KCNH1: variants seen among roughly 807,000 people sequenced by gnomAD.
KCNH1 encodes the protein potassium voltage-gated channel subfamily H member 1, also known as voltage-gated delayed rectifier potassium channel KCNH1.
Under a neutral mutation model 69.2 loss-of-function variants are expected in KCNH1, and 27 were observed. That is an observed-to-expected ratio of 0.39 (90% confidence interval 0.29 to 0.54). KCNH1 has a LOEUF of 0.54. Among genes scored for constraint, KCNH1 ranks in the 20% least tolerant of loss-of-function variants. The probability of loss-of-function intolerance (pLI) is 0.68; values close to 1 mark genes in which losing one functional copy is unlikely to be tolerated. For missense variants in KCNH1, 798 were observed against 1,261.6 expected, an observed-to-expected ratio of 0.63 and a Z score of 5.57; for synonymous variants, 456 against 487.7, an observed-to-expected ratio of 0.93 and a Z score of 0.86.
chr1:210,852,259 C>T (rs1685722349), intron 7 of KCNH1, among the ~76,000 whole-genome samples: 4 of 152,082 alleles, frequency 2.6e-5, no homozygotes, highest in Admixed American at 6.6e-5. Context: ...GAAGGAGGGG[C>T]TTGGCATGTT....
intron 6 of KCNH1, among the ~76,000 whole-genome samples, chr1:210,943,491 G>A (rs567613453): frequency 1.0e-3 from 153 of 152,112 alleles, no homozygotes; most frequent in African/African-American, 3.1e-3. Flanking sequence ...TGGGAATACC[G>A]GCGCACACCG....
intron 10 of KCNH1, among the ~76,000 whole-genome samples, chr1:210,695,577 T>C (rs1286973296): frequency 6.6e-6 from 1 of 152,216 alleles, no homozygotes. Flanking sequence ...TAAGTCTCCT[T>C]GCTAGAATAA....
intron 5 of KCNH1, among the ~76,000 whole-genome samples, chr1:211,047,491 C>A (rs929451887): frequency 6.6e-6 from 1 of 152,126 alleles, no homozygotes; most frequent in Non-Finnish European, 1.5e-5. Flanking sequence ...CATCAAGGTG[C>A]GGCTTTTGAA....
intron 10 of KCNH1, among the ~76,000 whole-genome samples, chr1:210,707,046 G>A (rs1342887213): frequency 1.3e-5 from 2 of 152,182 alleles, no homozygotes; most frequent in Non-Finnish European, 2.9e-5. Flanking sequence ...ATTTGTATGT[G>A]AGGGGTATGT....
intron 10 of KCNH1, among the ~76,000 whole-genome samples, chr1:210,689,520 T>C (rs1254105468): frequency 6.6e-6 from 1 of 152,260 alleles, no homozygotes; most frequent in Non-Finnish European, 1.5e-5. Flanking sequence ...GGAATAAAAA[T>C]ACATATGTAA....
rs1261074900 is a variant in KCNH1 at position 210,976,590 on chromosome 1, A to G, written c.1032+42193T>C. On this transcript the variant is annotated intron_variant, in intron 6 of 10. Transcript: ENST00000271751. ...ACTAGAAATACCATTTGACCCAGCC[A>G]TCCCATTACTGGGTATATACCCAAA... Among the ~76,000 whole-genome samples, 4 of 144,876 alleles carry G rather than the reference A, an allele frequency of 2.8e-5. No homozygotes were observed. In the South Asian group the frequency reaches 8.9e-4, roughly 32 times the overall value.
intron 6 of KCNH1, among the ~76,000 whole-genome samples, chr1:210,930,867 T>C (rs897035588): frequency 1.3e-5 from 2 of 152,062 alleles, no homozygotes; most frequent in Non-Finnish European, 2.9e-5. Context: ...AAAAGTGGGC[T>C]AAGGACATGA....
chr1:210,849,189 C>G (rs1685627529), intron 7 of KCNH1, among the ~76,000 whole-genome samples: 1 of 152,166 alleles, frequency 6.6e-6, no homozygotes, highest in East Asian at 1.9e-4. Context: ...AAACATTCTA[C>G]TATATGGATA....
intron 5 of KCNH1, among the ~76,000 whole-genome samples, chr1:211,025,814 C>A (rs12143882): frequency 0.044 from 6,704 of 152,228 alleles, 250 homozygotes; most frequent in East Asian, 0.18. Flanking sequence ...CTAGCCCTCC[C>A]AGCCTCCTAG....
At chr1:210,947,414 G>GA (rs1203511161) in intron 6 of KCNH1, among the ~76,000 whole-genome samples, 26 of 147,514 alleles carry the variant, frequency 1.8e-4, no homozygotes, top group South Asian at 8.6e-4. Context: ...CTAAAAATAC[G>GA]AAAAAAAAAA....
chr1:210,972,344 A>G (rs1372136968), intron 6 of KCNH1, among the ~76,000 whole-genome samples: 1 of 152,116 alleles, frequency 6.6e-6, no homozygotes, highest in Non-Finnish European at 1.5e-5. Context: ...ACTTTTGTCA[A>G]TTTAGACTTT....
At chr1:210,983,112 G>A (rs572703505) in intron 6 of KCNH1, among the ~76,000 whole-genome samples, 1 of 132,796 alleles carries the variant, frequency 7.5e-6, no homozygotes, top group South Asian at 2.4e-4. Context: ...CTTTTTGATG[G>A]GGTTGTTTGT....
chr1:210,743,277 C>A (rs749818095), intron 10 of KCNH1, among the ~76,000 whole-genome samples: 24 of 152,196 alleles, frequency 1.6e-4, no homozygotes, highest in Middle Eastern at 3.4e-3. Context: ...ATAGCCAGTC[C>A]GAGTGTCCTG....
At chr1:210,795,528 C>G (rs1425324056) in intron 9 of KCNH1, among the ~76,000 whole-genome samples, 1 of 152,074 alleles carries the variant, frequency 6.6e-6, no homozygotes, top group African/African-American at 2.4e-5. Context: ...CTTGGGTTAA[C>G]CTAAGCCAAA....
intron 8 of KCNH1, among the ~76,000 whole-genome samples, chr1:210,803,071 G>A (rs1396554015): frequency 1.3e-5 from 2 of 152,134 alleles, no homozygotes; most frequent in East Asian, 1.9e-4. Context: ...TCACAGATCT[G>A]GGATGGAGGC....
At chr1:210,760,410 G>A (rs2102349906) in intron 10 of KCNH1, among the ~76,000 whole-genome samples, 1 of 152,216 alleles carries the variant, frequency 6.6e-6, no homozygotes, top group South Asian at 2.1e-4. Context: ...GAAAAGATAA[G>A]CCAGCCAAGA....
intron 7 of KCNH1, among the ~76,000 whole-genome samples, chr1:210,896,681 C>G (rs1350821093): frequency 6.6e-6 from 1 of 151,978 alleles, no homozygotes; most frequent in African/African-American, 2.4e-5. Context: ...TGGTGTCTAG[C>G]AACTCAGCGG....
At chr1:211,077,058 G>GA (rs1199703769) in intron 5 of KCNH1, among the ~76,000 whole-genome samples, 1 of 152,032 alleles carries the variant, frequency 6.6e-6, no homozygotes, top group African/African-American at 2.4e-5. Flanking sequence ...GAAGTTTAGA[G>GA]AAAAAAGAGT....
intron 7 of KCNH1, among the ~76,000 whole-genome samples, chr1:210,873,233 C>T (rs546539770): frequency 1.3e-5 from 2 of 152,118 alleles, no homozygotes; most frequent in Non-Finnish European, 2.9e-5. Context: ...TGTCTTTCAA[C>T]GTGACCATAT....
Sources: allele counts gnomAD v4.1 joint callset (sites outside exome capture counted in the v4.1 genomes callset), GRCh38; gene constraint gnomAD v4.1.1; transcripts MANE v1.5; gene names NCBI Gene and HGNC (gene_info 2026-07-23, HGNC 2026-07-21).